APBB2: variants seen among roughly 807,000 people sequenced by gnomAD.
APBB2 encodes Fe65-like 1.
APBB2 carries 38 observed loss-of-function variants against 82.5 expected under a neutral mutation model. That is an observed-to-expected ratio of 0.46 (90% CI 0.36 to 0.60). The LOEUF (loss-of-function observed/expected upper bound fraction) is 0.60, where lower values mean the gene tolerates loss of function less well. APBB2 is among the 20% of genes least tolerant of loss of function. The pLI, the probability that APBB2 is intolerant of heterozygous loss-of-function variation, is 0.00. For missense variants in APBB2, 772 were observed against 972.3 expected, an observed-to-expected ratio of 0.79 and a Z score of 2.74; for synonymous variants, 341 against 368.2, an observed-to-expected ratio of 0.93 and a Z score of 0.85.
intron 6 of APBB2, among the ~76,000 whole-genome samples, chr4:40,949,768 C>A (rs190994429): frequency 4.1e-4 from 62 of 152,334 alleles, no homozygotes; most frequent in Admixed American, 3.7e-3. Context: ...AGCTTCACTG[C>A]CCTTCTGACT....
intron 2 of APBB2, among the ~76,000 whole-genome samples, chr4:41,117,417 C>G (rs1435437851): frequency 6.6e-6 from 1 of 151,438 alleles, no homozygotes; most frequent in African/African-American, 2.4e-5. Flanking sequence ...CTCAGCCTCT[C>G]GAATAGCTGG....
intron 2 of APBB2, among the ~76,000 whole-genome samples, chr4:41,128,342 G>A (rs959323707): frequency 3.3e-5 from 5 of 152,168 alleles, no homozygotes; most frequent in African/African-American, 1.2e-4. Flanking sequence ...TTCAGCCACT[G>A]AGGAAAGCAG....
chr4:41,112,446 T>C (rs1749530999), intron 2 of APBB2, among the ~76,000 whole-genome samples: 1 of 152,224 alleles, frequency 6.6e-6, no homozygotes, highest in Non-Finnish European at 1.5e-5. Flanking sequence ...CTCCTGGTTA[T>C]AGCAGGCCTG....
intron 10 of APBB2, among the ~76,000 whole-genome samples, chr4:40,912,199 A>G (rs1337329857): frequency 6.6e-6 from 1 of 152,212 alleles, no homozygotes; most frequent in Admixed American, 6.5e-5. Flanking sequence ...AGTCTGACAT[A>G]GGGCTGCTGT....
intron 2 of APBB2, among the ~76,000 whole-genome samples, chr4:41,141,576 A>AAT (rs1759216334): frequency 6.6e-6 from 1 of 152,180 alleles, no homozygotes; most frequent in South Asian, 2.1e-4. Flanking sequence ...TTGCAATAAG[A>AAT]ATACTATGGC....
chr4:41,142,911 G>A (rs1430702823), intron 2 of APBB2, 76 bp downstream of exon 2: 1 of 152,188 alleles, frequency 6.6e-6, no homozygotes, highest in African/African-American at 2.4e-5. Context: ...TCTCCAAAAT[G>A]AGCCTGGAAG....
intron 6 of APBB2, among the ~76,000 whole-genome samples, chr4:40,957,585 CTTTTT>C (rs34411160): frequency 7.0e-6 from 1 of 142,504 alleles, no homozygotes. Context: ...CCTCATATTC[CTTTTT>C]TTTTTTTTTT....
intron 1 of APBB2, 42 bp from the exon 2 acceptor site, chr4:41,143,184 T>A (rs1759724243): frequency 6.6e-6 from 1 of 152,156 alleles, no homozygotes; most frequent in South Asian, 2.1e-4. Context: ...GGACTCAAAG[T>A]CATCAACTTT....
At chr4:41,135,660 T>A (rs1229184529) in intron 2 of APBB2, among the ~76,000 whole-genome samples, 2 of 152,242 alleles carry the variant, frequency 1.3e-5, no homozygotes, top group African/African-American at 4.8e-5. Context: ...TCACTCACAG[T>A]ATCTTTGAAA....
chr4:40,890,278 T>G, intron 12 of APBB2, 86 bp downstream of exon 12: 3 of 1,500,290 alleles, frequency 2.0e-6, no homozygotes, highest in Non-Finnish European at 2.7e-6. Flanking sequence ...TCGTATTCCG[T>G]GAAATGCTGC....
intron 3 of APBB2, among the ~76,000 whole-genome samples, chr4:41,098,131 T>C (rs1338049201): frequency 6.6e-6 from 1 of 151,686 alleles, no homozygotes; most frequent in Non-Finnish European, 1.5e-5. Context: ...TAAGGGTACA[T>C]TGTAAACATC....
chr4:41,099,482 C>T (rs1171883233), intron 3 of APBB2, among the ~76,000 whole-genome samples: 3 of 152,088 alleles, frequency 2.0e-5, no homozygotes, highest in East Asian at 1.9e-4. Flanking sequence ...CCGTCCACCT[C>T]GGCCTCCCAA....
chr4:40,821,873 T>G lies in APBB2; in HGVS notation c.2110A>C (p.Met704Leu). 1 of 1,612,806 alleles carries G rather than the reference T, an allele frequency of 6.2e-7. No individual in the cohort carries two copies. ...CAGCCTGTACCGGGATAACTCACCA[T>G]GCAGGCGGCCTGCACCGCCTCAGAC... is the stretch of plus-strand genomic sequence containing the variant. The part of the protein sequence containing the change: ...NVSEAVQAAC[M>L]LRYQKCLVAR... Residue 704 changes from methionine (M) to leucine (L), a missense_variant and splice_region_variant, in exon 17 of 18, where the codon ATG becomes CTG. By Grantham distance (15) the Met-to-Leu change is conservative (BLOSUM62 2). Coordinates refer to ENST00000508593, the MANE Select transcript of APBB2 (RefSeq NM_004307.2).
chr4:41,192,320 C>T (rs1774680366), intron 1 of APBB2, among the ~76,000 whole-genome samples: 1 of 152,188 alleles, frequency 6.6e-6, no homozygotes, highest in Admixed American at 6.5e-5. Flanking sequence ...ATCACCATCT[C>T]ATTAAGATAT....
chr4:40,957,316 AT>A (rs34681125), intron 6 of APBB2, among the ~76,000 whole-genome samples: 1 of 151,668 alleles, frequency 6.6e-6, no homozygotes, highest in African/African-American at 2.4e-5. Flanking sequence ...CAACAATCAC[AT>A]TTTTTTTTAT....
intron 1 of APBB2, among the ~76,000 whole-genome samples, chr4:41,161,075 A>G (rs1205557311): frequency 6.7e-6 from 1 of 148,226 alleles, no homozygotes; most frequent in African/African-American, 2.5e-5. Flanking sequence ...CCAGCTAATT[A>G]TGATATGATG....
At chr4:41,208,540 G>C (rs1361021953) in intron 1 of APBB2, among the ~76,000 whole-genome samples, 1 of 152,000 alleles carries the variant, frequency 6.6e-6, no homozygotes, top group Non-Finnish European at 1.5e-5. Context: ...AGGATTACAG[G>C]CATGAGCCAC....
chr4:40,951,584 T>C (rs1456427716), intron 6 of APBB2, among the ~76,000 whole-genome samples: 1 of 152,256 alleles, frequency 6.6e-6, no homozygotes, highest in Admixed American at 6.5e-5. Context: ...GCTCAGCCAC[T>C]CCCTATGTGA....
chr4:41,159,565 T>C (rs1304209273), intron 1 of APBB2, among the ~76,000 whole-genome samples: 1 of 152,166 alleles, frequency 6.6e-6, no homozygotes, highest in Non-Finnish European at 1.5e-5. Flanking sequence ...AAACCCAGGA[T>C]TATATCTAAC....
Sources: allele counts gnomAD v4.1 joint callset (sites outside exome capture counted in the v4.1 genomes callset), GRCh38; gene constraint gnomAD v4.1.1; transcripts MANE v1.5; gene names NCBI Gene and HGNC (gene_info 2026-07-23, HGNC 2026-07-21).